The following USP44 variants were observed in gnomAD, a reference collection of about 807,000 sequenced individuals.
USP44 encodes ubiquitin carboxyl-terminal hydrolase 44.
A neutral mutation model predicts 69.0 loss-of-function variants in USP44; 61 were observed. The observed-to-expected ratio is 0.88, with a 90% CI of 0.72 to 1.09. The LOEUF is 1.09. USP44 is among the 50% of genes least tolerant of loss of function. The pLI is 0.00. For missense variants in USP44, 753 were observed against 849.9 expected (o/e 0.89, Z 1.42); for synonymous variants, 297 against 295.4 (o/e 1.01, Z -0.06).
At chr12:95,531,234 C>A (rs761130850) in intron 2 of USP44, among the ~76,000 whole-genome samples, 23 of 150,472 alleles carry the variant, frequency 1.5e-4, no homozygotes, top group Non-Finnish European at 2.4e-4. Context: ...AAAAAACACA[C>A]AAAAAAATTA....
At chr12:95,546,878 A>G (rs1357066907) in intron 1 of USP44, 2 of 152,216 alleles carry the variant, frequency 1.3e-5, no homozygotes, top group Non-Finnish European at 2.9e-5. Context: ...CAACCCAATG[A>G]GCAGAAAATT....
At chr12:95,545,660 G>C (rs2077546476) in intron 1 of USP44, among the ~76,000 whole-genome samples, 1 of 152,192 alleles carries the variant, frequency 6.6e-6, no homozygotes, top group African/African-American at 2.4e-5. Flanking sequence ...AGAAATGTTT[G>C]TGAAACGCCA....
At chr12:95,541,015 T>C (rs111939479) in intron 1 of USP44, among the ~76,000 whole-genome samples, 9,076 of 152,254 alleles carry the variant, frequency 0.06, 526 homozygotes, top group East Asian at 0.31. Flanking sequence ...CGCAGTGGCT[T>C]ACGCCTGTAA....
At chr12:95,539,313 C>A (rs903170687) in intron 1 of USP44, among the ~76,000 whole-genome samples, 1 of 151,552 alleles carries the variant, frequency 6.6e-6, no homozygotes, top group Non-Finnish European at 1.5e-5. Flanking sequence ...GCAAGCTCCG[C>A]CTCCTGGGTT....
chr12:95,527,097 C>CTTTT (rs1276106110), intron 3 of USP44, among the ~76,000 whole-genome samples: 1 of 134,018 alleles, frequency 7.5e-6, no homozygotes, highest in Non-Finnish European at 1.6e-5. Context: ...CTGGATCATT[C>CTTTT]TTTTTTTTTT....
At chr12:95,529,077 T>A (rs1288554959) in intron 2 of USP44, 75 bp from the exon 3 acceptor site, 2 of 1,300,552 alleles carry the variant, frequency 1.5e-6, no homozygotes, top group African/African-American at 3.0e-5. Flanking sequence ...TAGAGGTCAC[T>A]GCCACTAAAT....
intron 4 of USP44, among the ~76,000 whole-genome samples, chr12:95,522,729 G>C (rs2076704255): frequency 6.8e-6 from 1 of 147,244 alleles, no homozygotes; most frequent in Non-Finnish European, 1.5e-5. Context: ...AGTGAGCTGA[G>C]ATTGCGCCAT....
At chr12:95,536,038 CCTTTTT>C (rs1565828304) in intron 1 of USP44, among the ~76,000 whole-genome samples, 4 of 116,406 alleles carry the variant, frequency 3.4e-5, no homozygotes, top group Non-Finnish European at 5.8e-5. Context: ...CCTTTTTTTT[CCTTTTT>C]TTTTTTTTTT....
intron 1 of USP44, among the ~76,000 whole-genome samples, chr12:95,549,071 C>T (rs2077674390): frequency 6.6e-6 from 1 of 152,242 alleles, no homozygotes; most frequent in Admixed American, 6.5e-5. Flanking sequence ...CGTCGGGACA[C>T]GGGAGGGTAA....
chr12:95,550,282 G>GA (rs1049279487), intron 1 of USP44, among the ~76,000 whole-genome samples: 2 of 150,044 alleles, frequency 1.3e-5, no homozygotes, highest in Non-Finnish European at 1.5e-5. Flanking sequence ...ATTCATGTTT[G>GA]AAAAAAATAC....
chr12:95,520,962 C>T, intron 5 of USP44, 35 bp downstream of exon 5: 1 of 1,601,926 alleles, frequency 6.2e-7, no homozygotes, highest in Non-Finnish European at 8.5e-7. Flanking sequence ...GCCTCCAAGT[C>T]CAACCCAAGA....
chr12:95,531,784 G>C (rs145451059), intron 2 of USP44, among the ~76,000 whole-genome samples: 218 of 152,240 alleles, frequency 1.4e-3, no homozygotes, highest in Non-Finnish European at 2.2e-3. Flanking sequence ...GGTGTGCAGG[G>C]GGAAGGAAAT....
At chr12:95,529,248 A>T (rs1417871987) in intron 2 of USP44, among the ~76,000 whole-genome samples, 1 of 152,162 alleles carries the variant, frequency 6.6e-6, no homozygotes. Flanking sequence ...CTCTAAGGGC[A>T]TTAAATTTAG....
At chr12:95,521,696 A>C (rs900595810) in intron 4 of USP44, among the ~76,000 whole-genome samples, 13 of 152,170 alleles carry the variant, frequency 8.5e-5, no homozygotes, top group Non-Finnish European at 1.8e-4. Context: ...CATGTTGGCC[A>C]GGCTGGTCTT....
In USP44 at chr12:95,521,130, G is replaced by T. The variant is rs759889404; in HGVS notation, c.1806C>A (p.Pro602=). 2.5e-6 allele frequency: 4 copies of T among 1,613,994 alleles called. No homozygotes were observed. The East Asian group carries it at 8.9e-5, about 36-fold the overall frequency. ...VGFEEILNME[P]YCCRETLKSL... ...ATTTCAGGGTCTCCCTGCAGCAATA[G>T]GGCTCCATGTTTAAGATTTCCTCAA... Residue 602 remains proline, a synonymous_variant, in exon 5 of 6, where the codon CCC becomes CCA. Coordinates refer to ENST00000258499, the MANE Select transcript of USP44 (RefSeq NM_032147.5).
At chr12:95,529,073 T>A in intron 2 of USP44, 71 bp from the exon 3 acceptor site, 1 of 1,326,276 alleles carries the variant, frequency 7.5e-7, no homozygotes, top group Admixed American at 2.9e-5. Context: ...TCACTAGAGG[T>A]CACTGCCACT....
intron 4 of USP44, among the ~76,000 whole-genome samples, chr12:95,522,437 A>G (rs2076694917): frequency 6.6e-6 from 1 of 152,124 alleles, no homozygotes; most frequent in Admixed American, 6.5e-5. Context: ...TTTTCCTTCC[A>G]GTTTCCTCAG....
intron 1 of USP44, among the ~76,000 whole-genome samples, chr12:95,545,604 A>G (rs1229655696): frequency 6.6e-6 from 1 of 152,116 alleles, no homozygotes; most frequent in Non-Finnish European, 1.5e-5. Flanking sequence ...GCAATTTTCC[A>G]TTTTCCATTT....
rs2076496204 is a variant in USP44, at chr12:95,517,096, G to C, written c.*1058C>G. 7.3e-6 allele frequency: 1 copy of C among 136,118 alleles called. No homozygotes were observed. Among genetic ancestry groups the C allele is most frequent in the East Asian group, 2.1e-4 (1 of 4,744 alleles). 8.4% of individuals were successfully genotyped at this position (136,118 alleles called of 1,614,324 possible). A position where few individuals can be genotyped will look rare whatever the true frequency, so the allele number is the denominator to read the frequency against. On this transcript the variant is annotated 3_prime_UTR_variant, in exon 6 of 6. Transcript: ENST00000258499. The stretch of plus-strand genomic sequence containing the variant: ...TGCAAGTTTAGATAGATAGCTTTTA[G>C]TTTTTTTTTTTTTTTTTAATGCTCA...
Sources: allele counts gnomAD v4.1 joint callset (sites outside exome capture counted in the v4.1 genomes callset), GRCh38; gene constraint gnomAD v4.1.1; transcripts MANE v1.5; gene names NCBI Gene and HGNC (gene_info 2026-07-23, HGNC 2026-07-21).